SIAH1: variants seen among roughly 807,000 people sequenced by gnomAD.
The protein encoded by SIAH1 is siah E3 ubiquitin protein ligase 1, also known as E3 ubiquitin-protein ligase SIAH1.
A neutral mutation model predicts 20.0 loss-of-function variants in SIAH1; 2 were observed. The ratio of observed to expected loss-of-function variants is 0.10; its 90% confidence interval spans 0.04 to 0.31. The LOEUF (loss-of-function observed/expected upper bound fraction) is 0.31. Ranked by LOEUF, SIAH1 falls within the 10% of genes least tolerant of loss-of-function variation. The pLI is 1.00. For missense variants in SIAH1, 119 were observed against 355.3 expected (o/e 0.33, Z 5.35); for synonymous variants, 118 against 125.3 (o/e 0.94, Z 0.39).
chr16:48,378,074 G>A (rs765181252), intron 1 of SIAH1, among the ~76,000 whole-genome samples: 62 of 152,190 alleles, frequency 4.1e-4, no homozygotes, highest in Non-Finnish European at 7.1e-4. Context: ...AGTACAGGCC[G>A]GGCGCAGTGG....
chr16:48,360,563 G>A lies in SIAH1; in HGVS notation c.*1017C>T, dbSNP rs1960542933. ...AATTTGCCAGATATTCTTTTAATGA[G>A]AATTATAAAAGACCAAAAACATTTT... On this transcript the variant is annotated 3_prime_UTR_variant, in exon 2 of 2. Coordinates refer to ENST00000394725, the MANE Select transcript of SIAH1 (RefSeq NM_003031.4). The A allele has an allele frequency of 6.6e-6, 1 of 152,520 alleles. No individual in the cohort carries two copies. The highest frequency in any genetic ancestry group is 1.5e-5 in the Non-Finnish European group (1 of 68,016). 9.4% of individuals were successfully genotyped at this position (152,520 alleles called of 1,614,324 possible).
intron 1 of SIAH1, among the ~76,000 whole-genome samples, chr16:48,364,668 G>A (rs1186724759): frequency 1.3e-5 from 2 of 152,190 alleles, no homozygotes; most frequent in Admixed American, 6.5e-5. Context: ...TATGTCACTT[G>A]TAAAACAGTG....
rs200004512 is a variant in SIAH1, at chr16:48,381,084, TAA to T, written c.-3+4118_-3+4119del. ...ACAGTTTGGCAATTTCTTACAAAAC[TAA>T]AGATACTCTTCACTTTGGGAGGCTA... is the stretch of plus-strand genomic sequence containing the variant. On this transcript the variant is annotated intron_variant, in intron 1 of 1. Coordinates refer to ENST00000394725, the MANE Select transcript of SIAH1 (RefSeq NM_003031.4). 1.2e-4 allele frequency among the ~76,000 whole-genome samples: 18 copies of T among 152,072 alleles called. No individual in the cohort carries two copies. The East Asian group carries it at 3.5e-3, about 30-fold the overall frequency.
intron 1 of SIAH1, 89 bp downstream of exon 1, chr16:48,385,115 T>TCCCGCCCTC (rs1961418060): frequency 6.0e-6 from 1 of 166,248 alleles, no homozygotes; most frequent in Admixed American, 6.6e-5. Context: ...GGGCCGCCCT[T>TCCCGCCCTC]CCCGCCCTCC....
chr16:48,379,598 G>A (rs1961210252), intron 1 of SIAH1, among the ~76,000 whole-genome samples: 3 of 152,188 alleles, frequency 2.0e-5, no homozygotes, highest in African/African-American at 7.2e-5. Flanking sequence ...CTATGTTCCA[G>A]AAAGAGTCCT....
At chr16:48,375,170 A>G (rs1477819713) in intron 1 of SIAH1, among the ~76,000 whole-genome samples, 1 of 152,188 alleles carries the variant, frequency 6.6e-6, no homozygotes, top group African/African-American at 2.4e-5. Context: ...AATGTTGGCA[A>G]AGGAGTGAGT....
intron 1 of SIAH1, among the ~76,000 whole-genome samples, chr16:48,374,816 T>G (rs143196642): frequency 1.1e-4 from 16 of 152,274 alleles, no homozygotes; most frequent in Admixed American, 5.9e-4. Flanking sequence ...TGGCTCAAAC[T>G]GAATAACTTT....
At chr16:48,367,235 CTA>C (rs1243954749) in intron 1 of SIAH1, among the ~76,000 whole-genome samples, 1 of 152,152 alleles carries the variant, frequency 6.6e-6, no homozygotes, top group Non-Finnish European at 1.5e-5. Flanking sequence ...TTAAATTTCC[CTA>C]GAGAAGAAAA....
intron 1 of SIAH1, chr16:48,365,071 G>A (rs1960778200): frequency 3.7e-6 from 1 of 271,156 alleles, no homozygotes; most frequent in African/African-American, 2.2e-5. Flanking sequence ...CTTGGGAACG[G>A]AGGTATTACA....
In SIAH1 at chr16:48,375,203, T is replaced by C. The variant is rs549813234; in HGVS notation, c.-3+10001A>G. 2.8e-4 allele frequency among the ~76,000 whole-genome samples: 42 copies of C among 152,286 alleles called. 1 individual carries two copies. In the South Asian group the frequency reaches 7.1e-3, roughly 26 times the overall value. On this transcript the variant is annotated intron_variant, in intron 1 of 1. Transcript: ENST00000394725. Reference sequence around the variant, plus strand: ...AGTGTGTATGGATGCCTGTTTGTAATAGTAAACTGAAAACAGCCCTATCCT... The same window carrying C: ...AGTGTGTATGGATGCCTGTTTGTAACAGTAAACTGAAAACAGCCCTATCCT...
At chr16:48,384,308 A>G (rs920067135) in intron 1 of SIAH1, among the ~76,000 whole-genome samples, 2 of 152,284 alleles carry the variant, frequency 1.3e-5, no homozygotes, top group African/African-American at 4.8e-5. Flanking sequence ...TGATTTTCCG[A>G]ACACCCAAGC....
At chr16:48,387,014 C>T (rs1961480711), upstream of SIAH1, 1 of 152,250 alleles carries the variant, frequency 6.6e-6, no homozygotes, top group African/African-American at 2.4e-5. Context: ...CTGAAAATAA[C>T]AGTCTGTCTC....
chr16:48,375,336 T>C (rs1181318655), intron 1 of SIAH1, among the ~76,000 whole-genome samples: 1 of 152,202 alleles, frequency 6.6e-6, no homozygotes, highest in Non-Finnish European at 1.5e-5. Context: ...ATCAACTGTT[T>C]AAACGGGGTG....
At chr16:48,383,497 C>G (rs115372278) in intron 1 of SIAH1, among the ~76,000 whole-genome samples, 1 of 152,318 alleles carries the variant, frequency 6.6e-6, no homozygotes, top group African/African-American at 2.4e-5. Flanking sequence ...ACATTCTGCT[C>G]TTCAGTAACT....
At chr16:48,371,134 G>T (rs1325338007) in intron 1 of SIAH1, among the ~76,000 whole-genome samples, 2 of 136,822 alleles carry the variant, frequency 1.5e-5, no homozygotes, top group South Asian at 2.3e-4. Flanking sequence ...AAAAAAAAAA[G>T]TAAGAGCAAG....
intron 1 of SIAH1, among the ~76,000 whole-genome samples, chr16:48,384,749 C>T (rs111404391): frequency 1.3e-5 from 2 of 151,380 alleles, no homozygotes; most frequent in African/African-American, 4.8e-5. Flanking sequence ...AGGGCAGGGC[C>T]CCGGCAGCTG....
At chr16:48,367,826 A>G (rs544009329) in intron 1 of SIAH1, among the ~76,000 whole-genome samples, 1 of 152,366 alleles carries the variant, frequency 6.6e-6, no homozygotes, top group South Asian at 2.1e-4. Context: ...GAAGTACCTT[A>G]AGACAAGCCC....
rs909853262 is a variant in SIAH1, at chr16:48,360,711, A to T, written c.*869T>A. 2 of 152,668 alleles carry T rather than the reference A, an allele frequency of 1.3e-5. No homozygotes were observed. The highest frequency in any genetic ancestry group is 3.8e-4 in the East Asian group (2 of 5,204). 9.5% of individuals were successfully genotyped at this position (152,668 alleles called of 1,614,324 possible). A position where few individuals can be genotyped will look rare whatever the true frequency, so the allele number is the denominator to read the frequency against. ...TTTTAAAATATGTGATTTGTCCAAG[A>T]TATCTGAAAAAGGAAACAAAAGCCT... On this transcript the variant is annotated 3_prime_UTR_variant, in exon 2 of 2. Coordinates refer to ENST00000394725, the MANE Select transcript of SIAH1 (RefSeq NM_003031.4).
chr16:48,372,325 T>C (rs1269528031), intron 1 of SIAH1, among the ~76,000 whole-genome samples: 1 of 152,178 alleles, frequency 6.6e-6, no homozygotes, highest in African/African-American at 2.4e-5. Flanking sequence ...CACCTGAAAC[T>C]CCAGGCAAAC....
Sources: gnomAD v4.1 joint callset for allele counts (sites outside exome capture counted in the v4.1 genomes callset) on GRCh38, gnomAD v4.1.1 for gene constraint, MANE v1.5 for transcripts, NCBI Gene and HGNC (gene_info 2026-07-23, HGNC 2026-07-21) for gene names.